Variants in ATG7 observed in about 807,000 individuals in gnomAD.
ATG7 encodes the protein autophagy related 7, also known as ubiquitin-like modifier-activating enzyme ATG7.
ATG7 carries 70 observed loss-of-function variants against 82.4 expected under a neutral mutation model. The observed-to-expected ratio is 0.85, with a 90% CI of 0.70 to 1.04. The LOEUF (loss-of-function observed/expected upper bound fraction) is 1.04. Ranked by LOEUF, ATG7 falls within the 50% of genes least tolerant of loss-of-function variation. The probability of loss-of-function intolerance (pLI) is 0.00; values close to 1 mark genes in which losing one functional copy is unlikely to be tolerated. For missense variants in ATG7, 792 were observed against 864.3 expected (o/e 0.92, Z 1.05); for synonymous variants, 287 against 313.0 (o/e 0.92, Z 0.88).
At chr3:11,471,308 A>T (rs951220196) in intron 20 of ATG7, among the ~76,000 whole-genome samples, 1 of 151,926 alleles carries the variant, frequency 6.6e-6, no homozygotes, top group African/African-American at 2.4e-5. Context: ...CCTGGCAAAC[A>T]CCTACTTGGT....
At chr3:11,416,115 T>C (rs1332752810) in intron 19 of ATG7, among the ~76,000 whole-genome samples, 1 of 152,228 alleles carries the variant, frequency 6.6e-6, no homozygotes, top group East Asian at 1.9e-4. Flanking sequence ...TTCGATTTGC[T>C]AATATTTTAA....
intron 18 of ATG7, among the ~76,000 whole-genome samples, chr3:11,374,189 T>C (rs1461567367): frequency 6.6e-6 from 1 of 152,222 alleles, no homozygotes; most frequent in Non-Finnish European, 1.5e-5. Context: ...GGAGGACTCA[T>C]ACTTTCCAGT....
intron 7 of ATG7, among the ~76,000 whole-genome samples, chr3:11,309,528 A>G (rs1948314617): frequency 6.6e-6 from 1 of 152,062 alleles, no homozygotes; most frequent in Non-Finnish European, 1.5e-5. Context: ...CGTTAAGGGC[A>G]GCCTTGAAAA....
chr3:11,332,784 T>C (rs903059745), intron 10 of ATG7, 188 bp from the exon 11 acceptor site: 1 of 469,472 alleles, frequency 2.1e-6, no homozygotes, highest in African/African-American at 2.0e-5. Flanking sequence ...CTCTAAACAC[T>C]TGGACAGAGG....
In ATG7 at chr3:11,557,265, A is replaced by G. The variant is rs754977474; in HGVS notation, c.*2422A>G. The stretch of plus-strand genomic sequence containing the variant: ...ATAATAAATGCAGTAATAACAGTAT[A>G]AAGTCAGAGGAATGTATACTGCCTT... On this transcript the variant is annotated 3_prime_UTR_variant, in exon 21 of 21. Transcript: ENST00000693202. 1 of 152,842 alleles carries G rather than the reference A, an allele frequency of 6.5e-6. No individual in the cohort carries two copies. Among genetic ancestry groups the G allele is most frequent in the African/African-American group, 2.4e-5 (1 of 41,470 alleles). The allele number at this position is 152,842 out of a possible 1,614,324, so 9.5% of individuals were successfully genotyped here. A position where few individuals can be genotyped will look rare whatever the true frequency, so the allele number is the denominator to read the frequency against.
At chr3:11,324,242 ATTAT>A (rs1950569547) in intron 9 of ATG7, among the ~76,000 whole-genome samples, 1 of 152,220 alleles carries the variant, frequency 6.6e-6, no homozygotes, top group Admixed American at 6.5e-5. Flanking sequence ...CTAGTCAGTG[ATTAT>A]TTATGAAAAA....
the ATG7 span, among the ~76,000 whole-genome samples, chr3:11,572,139 G>C: frequency 6.6e-6 from 1 of 152,128 alleles, no homozygotes; most frequent in Non-Finnish European, 1.5e-5. Flanking sequence ...CTGAGTAAGT[G>C]ATTGACGTTG....
chr3:11,398,756 TAGG>T (rs1434757805), intron 19 of ATG7, among the ~76,000 whole-genome samples: 2 of 152,050 alleles, frequency 1.3e-5, no homozygotes, highest in African/African-American at 4.8e-5. Context: ...GAGGCTGAGA[TAGG>T]AGGATTGCTT....
chr3:11,352,463 C>A (rs974111156), intron 14 of ATG7, among the ~76,000 whole-genome samples: 1 of 152,298 alleles, frequency 6.6e-6, no homozygotes, highest in East Asian at 1.9e-4. Flanking sequence ...TTTACAGTCC[C>A]ACCAACAGTG....
intron 20 of ATG7, among the ~76,000 whole-genome samples, chr3:11,472,704 T>A (rs2087685521): frequency 6.6e-6 from 1 of 152,198 alleles, no homozygotes; most frequent in Non-Finnish European, 1.5e-5. Context: ...TGTGTCGTCC[T>A]TTTTTGGTAA....
chr3:11,389,827 T>C (rs2078645132), intron 19 of ATG7, among the ~76,000 whole-genome samples: 1 of 152,242 alleles, frequency 6.6e-6, no homozygotes. Flanking sequence ...GTCTTTGTAA[T>C]TGACTCTGGA....
intron 20 of ATG7, among the ~76,000 whole-genome samples, chr3:11,463,116 C>G (rs975779237): frequency 6.6e-6 from 1 of 152,174 alleles, no homozygotes; most frequent in East Asian, 1.9e-4. Context: ...AACTCCTGAT[C>G]TCAGGTGATC....
At chr3:11,425,238 A>G (rs1038524575) in intron 19 of ATG7, among the ~76,000 whole-genome samples, 1 of 152,202 alleles carries the variant, frequency 6.6e-6, no homozygotes, top group Non-Finnish European at 1.5e-5. Context: ...TGCTAGGATT[A>G]CAGGCATGAG....
chr3:11,519,095 A>G (rs1390292977), intron 20 of ATG7, among the ~76,000 whole-genome samples: 1 of 152,212 alleles, frequency 6.6e-6, no homozygotes, highest in Non-Finnish European at 1.5e-5. Context: ...CAAATTTTCC[A>G]GAGTGCAAAT....
intron 20 of ATG7, among the ~76,000 whole-genome samples, chr3:11,496,008 C>T (rs1248484654): frequency 2.6e-5 from 4 of 152,122 alleles, no homozygotes; most frequent in Admixed American, 6.6e-5. Flanking sequence ...AGCCCTATGA[C>T]GTAAGTAAAT....
chr3:11,279,481 C>T (rs183665301), intron 1 of ATG7, among the ~76,000 whole-genome samples: 105 of 152,198 alleles, frequency 6.9e-4, no homozygotes, highest in African/African-American at 2.3e-3. Context: ...GTCAGGAGTT[C>T]GAGACCAACC....
chr3:11,276,319 T>C (rs1457738288), intron 1 of ATG7, among the ~76,000 whole-genome samples: 1 of 152,216 alleles, frequency 6.6e-6, no homozygotes, highest in Non-Finnish European at 1.5e-5. Context: ...AGTCCTCTAT[T>C]TGTGCTTGAG....
At chr3:11,288,795 G>A (rs1575176033) in intron 3 of ATG7, 1 of 152,312 alleles carries the variant, frequency 6.6e-6, no homozygotes, top group East Asian at 1.9e-4. Flanking sequence ...GAGTGTGACT[G>A]AGTTTTATTT....
chr3:11,353,688 A>G (rs1465796856), intron 14 of ATG7, among the ~76,000 whole-genome samples: 1 of 152,118 alleles, frequency 6.6e-6, no homozygotes, highest in Non-Finnish European at 1.5e-5. Flanking sequence ...TGTTTGAAAG[A>G]GCCTGGCATC....
Sources: allele counts gnomAD v4.1 joint callset (sites outside exome capture counted in the v4.1 genomes callset), GRCh38; gene constraint gnomAD v4.1.1; transcripts MANE v1.5; gene names NCBI Gene and HGNC (gene_info 2026-07-23, HGNC 2026-07-21).